DAW1: variants seen among roughly 807,000 people sequenced by gnomAD.
DAW1 encodes the protein dynein assembly factor with WD repeats 1.
Under a neutral mutation model 56.5 loss-of-function variants are expected in DAW1, and 47 were observed. The ratio of observed to expected loss-of-function variants is 0.83; its 90% CI spans 0.66 to 1.06. The LOEUF (loss-of-function observed/expected upper bound fraction) is 1.06. Ranked by LOEUF, DAW1 falls within the 50% of genes least tolerant of loss-of-function variation. The probability of loss-of-function intolerance (pLI) is 0.00; values close to 1 mark genes in which losing one functional copy is unlikely to be tolerated. For synonymous variants in DAW1, 190 were observed against 179.0 expected (o/e 1.06, Z -0.49); for missense variants, 505 against 499.3 (o/e 1.01, Z -0.11).
rs1337330293 is a variant in DAW1, at chr2:227,877,234, A to G, written c.40+5505A>G. Among the ~76,000 whole-genome samples the G allele has an allele frequency of 2.0e-5, 3 of 152,242 alleles. No homozygotes were observed. The East Asian group carries it at 5.8e-4, about 29-fold the overall frequency. On this transcript the variant is annotated intron_variant, in intron 1 of 12. Transcript: ENST00000309931. ...TGCTCTGTCAGCCAGGCTGGAGTAC[A>G]GTGGCACAATCTTGGCTTACTGCAA...
At chr2:227,891,830 A>T (rs1358762686) in intron 4 of DAW1, among the ~76,000 whole-genome samples, 1 of 152,240 alleles carries the variant, frequency 6.6e-6, no homozygotes, top group Non-Finnish European at 1.5e-5. Context: ...ATAATAAGGT[A>T]GCACAAACTG....
intron 1 of DAW1, among the ~76,000 whole-genome samples, chr2:227,873,035 T>A (rs1690793423): frequency 6.6e-6 from 1 of 152,188 alleles, no homozygotes; most frequent in African/African-American, 2.4e-5. Flanking sequence ...TGCTGACTTC[T>A]AAAACTTCAC....
chr2:227,919,756 G>T (rs1357981089), intron 11 of DAW1, among the ~76,000 whole-genome samples: 1 of 152,174 alleles, frequency 6.6e-6, no homozygotes, highest in Non-Finnish European at 1.5e-5. Context: ...AGTAGGCTAG[G>T]ATTGGTGGCT....
intron 1 of DAW1, among the ~76,000 whole-genome samples, chr2:227,882,098 A>G (rs970499378): frequency 6.6e-6 from 1 of 152,208 alleles, no homozygotes; most frequent in African/African-American, 2.4e-5. Flanking sequence ...AAAAGTAAAT[A>G]GAGTGTTTTG....
intron 5 of DAW1, among the ~76,000 whole-genome samples, chr2:227,896,583 A>G (rs913277912): frequency 6.9e-6 from 1 of 144,832 alleles, no homozygotes; most frequent in Non-Finnish European, 1.5e-5. Context: ...ATCACCAAAG[A>G]ATAAGAGGGA....
intron 2 of DAW1, among the ~76,000 whole-genome samples, chr2:227,888,678 T>C (rs1306449585): frequency 2.6e-5 from 4 of 152,252 alleles, no homozygotes; most frequent in Non-Finnish European, 5.9e-5. Context: ...TGATTCTTTC[T>C]TAAAGGTGGG....
chr2:227,872,163 A>G (rs1368332353), intron 1 of DAW1: 1 of 157,862 alleles, frequency 6.3e-6, no homozygotes, highest in Non-Finnish European at 1.4e-5. Flanking sequence ...GGACATGGTC[A>G]CCTTTAAAGA....
intron 8 of DAW1, among the ~76,000 whole-genome samples, chr2:227,905,792 T>TTGCCC (rs78597634): frequency 0.14 from 21,182 of 152,248 alleles, 1,530 homozygotes; most frequent in East Asian, 0.25. Flanking sequence ...TCTCGCTCTG[T>TTGCCC]TGCCCAGGCT....
At chr2:227,881,100 A>G (rs1028495927) in intron 1 of DAW1, among the ~76,000 whole-genome samples, 1 of 152,226 alleles carries the variant, frequency 6.6e-6, no homozygotes, top group African/African-American at 2.4e-5. Flanking sequence ...CAAAGAGGGT[A>G]TATTTGAGGA....
chr2:227,879,722 CTATTT>C (rs1690967625), intron 1 of DAW1, among the ~76,000 whole-genome samples: 1 of 151,874 alleles, frequency 6.6e-6, no homozygotes. Context: ...TGGCAGAAAT[CTATTT>C]TATTAACTTT....
Position 227,907,158 on chromosome 2 carries a change from A to G in DAW1, c.879A>G (p.Gly293=). The change falls in exon 10 of 13, where the codon GGA becomes GGG. Residue 293 remains glycine (G), a synonymous_variant. Transcript: ENST00000309931. The stretch of plus-strand genomic sequence containing the variant: ...TGTAGCTGTGGGATGCTACAAATGG[A>G]AAATGTGTGGCAACCTTAACAGGCC... The part of the protein sequence containing the change: ...KTCKLWDATN[G]KCVATLTGHD... 1.2e-6 allele frequency: 2 copies of G among 1,611,916 alleles called. No individual in the cohort carries two copies. The highest frequency in any genetic ancestry group is 1.7e-6 in the Non-Finnish European group (2 of 1,179,106).
intron 12 of DAW1, among the ~76,000 whole-genome samples, chr2:227,921,986 T>C (rs1692121517): frequency 6.6e-6 from 1 of 152,074 alleles, no homozygotes; most frequent in South Asian, 2.1e-4. Flanking sequence ...ACCCCGTCTC[T>C]ACAAAAAAAA....
At chr2:227,918,649 C>T in intron 10 of DAW1, 131 bp from the exon 11 acceptor site, 1 of 991,844 alleles carries the variant, frequency 1.0e-6, no homozygotes, top group Non-Finnish European at 1.5e-6. Context: ...TGGCTCTCAA[C>T]ACAGGCAAGA....
chr2:227,874,156 T>C (rs10933222), intron 1 of DAW1, among the ~76,000 whole-genome samples: 73,060 of 151,994 alleles, frequency 0.48, 17,766 homozygotes, highest in Admixed American at 0.58. Context: ...TGCTTTCATC[T>C]CTTTGTTGTG....
At chr2:227,887,323 G>C (rs1691155313) in intron 2 of DAW1, among the ~76,000 whole-genome samples, 1 of 152,194 alleles carries the variant, frequency 6.6e-6, no homozygotes, top group African/African-American at 2.4e-5. Flanking sequence ...ACATGTTATT[G>C]ATTTGTTTGA....
chr2:227,878,285 A>G (rs1465365617), intron 1 of DAW1, among the ~76,000 whole-genome samples: 1 of 152,244 alleles, frequency 6.6e-6, no homozygotes, highest in Admixed American at 6.5e-5. Context: ...CAAAAAATCT[A>G]AAATTATAGT....
At chr2:227,894,794 A>T (rs746569761) in intron 5 of DAW1, among the ~76,000 whole-genome samples, 52 of 152,330 alleles carry the variant, frequency 3.4e-4, no homozygotes, top group Admixed American at 1.4e-3. Flanking sequence ...CACCCTGAAC[A>T]TCTATAGCAG....
At chr2:227,902,850 A>G (rs1691578121) in intron 6 of DAW1, 152 bp from the exon 7 acceptor site, 2 of 734,264 alleles carry the variant, frequency 2.7e-6, no homozygotes, top group African/African-American at 1.8e-5. Context: ...TGAAGGACTC[A>G]ACCTGGGGGT....
chr2:227,918,171 TCATCCATCCATCCATCCATC>T (rs60074089), intron 10 of DAW1, among the ~76,000 whole-genome samples: 3 of 124,194 alleles, frequency 2.4e-5, no homozygotes, highest in South Asian at 2.9e-4. Flanking sequence ...CATCCATCCA[TCATCCATCCATCCATCCATC>T]CATCCATCCA....
Sources: allele counts gnomAD v4.1 joint callset (sites outside exome capture counted in the v4.1 genomes callset), GRCh38; gene constraint gnomAD v4.1.1; transcripts MANE v1.5; gene names NCBI Gene and HGNC (gene_info 2026-07-23, HGNC 2026-07-21).